HECW1: variants seen among roughly 807,000 people sequenced by gnomAD.
The protein encoded by HECW1 is E3 ubiquitin-protein ligase HECW1.
Under a neutral mutation model 182.3 loss-of-function variants are expected in HECW1, and 61 were observed. The observed-to-expected ratio is 0.33, with a 90% CI of 0.27 to 0.41. The LOEUF (loss-of-function observed/expected upper bound fraction) is 0.41. Among genes scored for constraint, HECW1 ranks in the 10% least tolerant of loss-of-function variants. The pLI is 1.00. For missense variants in HECW1, 1,739 were observed against 2,108.9 expected (o/e 0.82, Z 3.44); for synonymous variants, 859 against 832.6 (o/e 1.03, Z -0.55).
rs189965178 is a variant in HECW1, at chr7:43,157,042, G to A, written c.-32+42651G>A. On this transcript the variant is annotated intron_variant, in intron 2 of 29. Transcript: ENST00000395891. ...TGTCCTGACTGACACATGTTCATTC[G>A]CAAACCTGGGCTTTGTGCTAGGCAT... Among the ~76,000 whole-genome samples the A allele has an allele frequency of 2.0e-3, 303 of 152,278 alleles. 4 individuals are homozygous for A. Among genetic ancestry groups the A allele is most frequent in the African/African-American group, 7.0e-3 (290 of 41,542 alleles).
chr7:43,176,624 C>A (rs968942454), intron 2 of HECW1, among the ~76,000 whole-genome samples: 3 of 152,156 alleles, frequency 2.0e-5, no homozygotes, highest in Non-Finnish European at 4.4e-5. Flanking sequence ...TGATAACTAA[C>A]CCCCTCCCTC....
At chr7:43,509,960 C>T (rs1416838604) in intron 24 of HECW1, 1 of 152,260 alleles carries the variant, frequency 6.6e-6, no homozygotes, top group East Asian at 1.9e-4. Flanking sequence ...GGCTATAGAG[C>T]ATCAGTATAA....
intron 5 of HECW1, among the ~76,000 whole-genome samples, chr7:43,323,359 C>T (rs891779191): frequency 6.6e-6 from 1 of 152,258 alleles, no homozygotes; most frequent in African/African-American, 2.4e-5. Flanking sequence ...TTTGGGAGGC[C>T]AGGGCAGGCA....
At chr7:43,332,885 T>A (rs938364681) in intron 5 of HECW1, among the ~76,000 whole-genome samples, 3 of 152,210 alleles carry the variant, frequency 2.0e-5, no homozygotes, top group Non-Finnish European at 2.9e-5. Flanking sequence ...TATTTTTATT[T>A]TTCCTTTTTG....
chr7:43,199,378 A>G (rs769859368), intron 2 of HECW1, among the ~76,000 whole-genome samples: 3 of 152,244 alleles, frequency 2.0e-5, no homozygotes, highest in Non-Finnish European at 4.4e-5. Context: ...TGGAATCTGA[A>G]TATTATAGAC....
At chr7:43,453,580 A>G (rs962603438) in intron 12 of HECW1, among the ~76,000 whole-genome samples, 5 of 152,248 alleles carry the variant, frequency 3.3e-5, no homozygotes, top group African/African-American at 1.2e-4. Context: ...AGACTATGCA[A>G]TAGTATTACA....
In HECW1 at chr7:43,565,712, G is replaced by A. The variant is rs2082312994; in HGVS notation, c.*3786G>A. 5.4e-6 allele frequency: 1 copy of A among 184,688 alleles called. No homozygotes were observed. Among genetic ancestry groups the A allele is most frequent in the South Asian group, 2.0e-4 (1 of 5,096 alleles). 11.4% of individuals were successfully genotyped at this position (184,688 alleles called of 1,614,324 possible). On this transcript the variant is annotated 3_prime_UTR_variant, in exon 30 of 30. Transcript: ENST00000395891. The stretch of plus-strand genomic sequence containing the variant: ...AGAAAAGAGAAAGTGTTATTTTCCT[G>A]TTAGTGACATGTAGTCCCTTTGTTC...
At chr7:43,247,880 GA>G (rs1426081638) in intron 3 of HECW1, among the ~76,000 whole-genome samples, 16 of 93,894 alleles carry the variant, frequency 1.7e-4, no homozygotes, top group African/African-American at 6.0e-4. Context: ...AAGCAAGCAA[GA>G]AAGGGAGGGA....
chr7:43,482,449 C>T (rs1262295433), intron 17 of HECW1, among the ~76,000 whole-genome samples: 1 of 152,172 alleles, frequency 6.6e-6, no homozygotes, highest in African/African-American at 2.4e-5. Context: ...AAATATGAGA[C>T]AATCCCTGCC....
chr7:43,372,358 C>CT (rs1364652963), intron 6 of HECW1, among the ~76,000 whole-genome samples: 4 of 151,874 alleles, frequency 2.6e-5, no homozygotes, highest in African/African-American at 9.7e-5. Flanking sequence ...GGTTATTTTC[C>CT]TTTTTTTATT....
rs193125597 is a variant in HECW1, at chr7:43,436,953, C to G, written c.802-1050C>G. Among the ~76,000 whole-genome samples, 18 of 152,340 alleles carry G rather than the reference C, an allele frequency of 1.2e-4. No homozygotes were observed. The South Asian group carries it at 1.4e-3, about 12-fold the overall frequency. Reference sequence around the variant, plus strand: ...AATCTCAGCTCACTGCAACCTCCACCTCCCAGGTTCAAGCAATTCTCCTGC... The same window carrying G: ...AATCTCAGCTCACTGCAACCTCCACGTCCCAGGTTCAAGCAATTCTCCTGC... On this transcript the variant is annotated intron_variant, in intron 8 of 29. Transcript: ENST00000395891.
At chr7:43,232,003 C>G (rs1222510272) in intron 2 of HECW1, among the ~76,000 whole-genome samples, 2 of 117,246 alleles carry the variant, frequency 1.7e-5, no homozygotes, top group Admixed American at 2.4e-4. Context: ...GCCTGGGCGA[C>G]AGAGCGAGAC....
chr7:43,396,176 A>G (rs2075224258), intron 6 of HECW1, among the ~76,000 whole-genome samples: 1 of 152,262 alleles, frequency 6.6e-6, no homozygotes, highest in Non-Finnish European at 1.5e-5. Flanking sequence ...TTAACCTATT[A>G]CTAAATATTG....
chr7:43,114,008 T>C, intron 1 of HECW1, 149 bp from the exon 2 acceptor site: 1 of 351,882 alleles, frequency 2.8e-6, no homozygotes, highest in South Asian at 3.5e-5. Context: ...CGCCTCAGTC[T>C]GCATTGGGCT....
intron 26 of HECW1, among the ~76,000 whole-genome samples, chr7:43,548,062 G>T (rs773545853): frequency 2.0e-5 from 3 of 152,140 alleles, no homozygotes; most frequent in African/African-American, 4.8e-5. Context: ...ATTTAATACC[G>T]CATTTTGATG....
chr7:43,512,487 T>C (rs1313313097), intron 24 of HECW1, among the ~76,000 whole-genome samples: 2 of 152,270 alleles, frequency 1.3e-5, no homozygotes, highest in Non-Finnish European at 2.9e-5. Context: ...ATTCATATTT[T>C]ATAAAATTTA....
chr7:43,379,901 G>T (rs776925262), intron 6 of HECW1, among the ~76,000 whole-genome samples: 1 of 152,158 alleles, frequency 6.6e-6, no homozygotes, highest in Non-Finnish European at 1.5e-5. Context: ...GCCTCCAGGG[G>T]CAGAGATGTA....
Position 43,336,126 on chromosome 7 carries a change from CTCTCTCTCTCTCTCTCTT to C in HECW1, c.460+15402_460+15419del, listed in dbSNP as rs1562853559. ...TTCTTCTTTCTTTCTTTCTTTCTTT[CTCTCTCTCTCTCTCTCTT>C]TCTCTCTCTCTCTCTCTCTCTCTCT... On this transcript the variant is annotated intron_variant, in intron 5 of 29. Coordinates refer to ENST00000395891, the MANE Select transcript of HECW1 (RefSeq NM_015052.5). Among the ~76,000 whole-genome samples, 398 of 79,708 alleles carry C rather than the reference CTCTCTCTCTCTCTCTCTT, an allele frequency of 5.0e-3. 4 individuals carry two copies. The Middle Eastern group carries it at 0.061, about 12-fold the overall frequency. 52.3% of individuals were successfully genotyped at this position (79,708 alleles called of 152,430 possible). A position where few individuals can be genotyped will look rare whatever the true frequency, so the allele number is the denominator to read the frequency against.
intron 2 of HECW1, among the ~76,000 whole-genome samples, chr7:43,198,740 ACT>A (rs201550489): frequency 1.5e-4 from 22 of 148,484 alleles, no homozygotes; most frequent in East Asian, 8.0e-4. Context: ...CACACCCCAC[ACT>A]CTCACACACT....
Sources: allele counts gnomAD v4.1 joint callset (sites outside exome capture counted in the v4.1 genomes callset), GRCh38; gene constraint gnomAD v4.1.1; transcripts MANE v1.5; gene names NCBI Gene and HGNC (gene_info 2026-07-23, HGNC 2026-07-21).